The following MYLK4 variants were observed in gnomAD, a reference collection of about 807,000 sequenced individuals.
The protein encoded by MYLK4 is myosin light chain kinase family member 4, also known as caMLCK like.
A neutral mutation model predicts 48.1 loss-of-function variants in MYLK4; 46 were observed. That is an observed-to-expected ratio of 0.96 (90% confidence interval 0.75 to 1.22). The LOEUF (loss-of-function observed/expected upper bound fraction) is 1.22. Ranked by LOEUF, MYLK4 falls within the 50% of genes most tolerant of loss-of-function variation. The pLI is 0.00. For missense variants in MYLK4, 451 were observed against 486.1 expected (o/e 0.93, Z 0.68); for synonymous variants, 170 against 180.8 (o/e 0.94, Z 0.48).
chr6:2,678,073 G>T, intron 10 of MYLK4, 147 bp downstream of exon 10: 1 of 984,626 alleles, frequency 1.0e-6, no homozygotes. Flanking sequence ...AGTAGACTGG[G>T]TCAAGAGGCT....
At chr6:2,689,738 G>A (rs899725258) in intron 3 of MYLK4, among the ~76,000 whole-genome samples, 2 of 152,314 alleles carry the variant, frequency 1.3e-5, no homozygotes, top group Middle Eastern at 3.4e-3. Flanking sequence ...ACTAAGCAGC[G>A]ACTGCATGCA....
intron 11 of MYLK4, 134 bp downstream of exon 11, chr6:2,674,913 A>G: frequency 1.3e-6 from 1 of 761,480 alleles, no homozygotes; most frequent in Non-Finnish European, 2.2e-6. Flanking sequence ...GTAATTTAAT[A>G]CTGCACAAGA....
chr6:2,674,678 C>T (rs1319808144), intron 11 of MYLK4, among the ~76,000 whole-genome samples: 1 of 152,104 alleles, frequency 6.6e-6, no homozygotes, highest in East Asian at 1.9e-4. Context: ...TTGAGACCAG[C>T]CTGACCAACA....
rs1761036176 is a variant in MYLK4 at position 2,675,087 on chromosome 6, C to G, written c.1079G>C (p.Trp360Ser). The G allele has an allele frequency of 1.2e-6, 2 of 1,614,118 alleles. No individual in the cohort carries two copies. Among genetic ancestry groups the G allele is most frequent in the East Asian group, 2.2e-5 (1 of 44,888 alleles). Reference sequence around the variant, plus strand: ...GGAGTGGAGCTTGTGGTCTGACAACCAGGGGTGCTTGAGAGCTTCGCTTGC... The same window carrying G: ...GGAGTGGAGCTTGTGGTCTGACAACGAGGGGTGCTTGAGAGCTTCGCTTGC... ...ISASEALKHP[W>S]LSDHKLHSRL... Residue 360 changes from tryptophan to serine, a missense_variant, in exon 11 of 13, where the codon TGG becomes TCG. Physicochemically the swap from Trp to Ser is radical, Grantham distance 177 (BLOSUM62 -3). Transcript: ENST00000274643.
chr6:2,675,280 A>G (rs1370973867), intron 10 of MYLK4, among the ~76,000 whole-genome samples, 155 bp from the exon 11 acceptor site: 1 of 152,220 alleles, frequency 6.6e-6, no homozygotes, highest in African/African-American at 2.4e-5. Context: ...TGTGCTATCA[A>G]TGATGGCATA....
intron 2 of MYLK4, among the ~76,000 whole-genome samples, chr6:2,709,440 A>G (rs1171043377): frequency 1.3e-5 from 2 of 152,222 alleles, no homozygotes; most frequent in Non-Finnish European, 1.5e-5. Flanking sequence ...ACACAGACAG[A>G]TCTGTGCCTT....
intron 2 of MYLK4, among the ~76,000 whole-genome samples, chr6:2,703,095 T>C (rs1272549089): frequency 6.6e-6 from 1 of 152,102 alleles, no homozygotes; most frequent in Non-Finnish European, 1.5e-5. Flanking sequence ...CCTCGCCTCC[T>C]CTCAGCCTCA....
rs1426387061 is a variant in MYLK4 at position 2,685,228 on chromosome 6, T to C, written c.545+68A>G. On this transcript the variant is annotated intron_variant, in intron 6 of 12. Transcript: ENST00000274643. The surrounding 1 kb of genome is among the most constrained non-coding windows in gnomAD (Gnocchi z 4.5). ...TGGTCCCGCTACAGCAGGACGGAGC[T>C]ACTGAGGCACGGTCACGGTCATGAG... 1.7e-6 allele frequency: 2 copies of C among 1,173,742 alleles called. No homozygotes were observed. Among genetic ancestry groups the C allele is most frequent in the African/African-American group, 1.5e-5 (1 of 66,618 alleles). The allele number at this position is 1,173,742 out of a possible 1,614,324, so 72.7% of individuals were successfully genotyped here. A position where few individuals can be genotyped will look rare whatever the true frequency, so the allele number is the denominator to read the frequency against.
In MYLK4 at chr6:2,745,991, G is replaced by A. The variant is rs1352012844; in HGVS notation, c.159+3145C>T. 5.3e-5 allele frequency among the ~76,000 whole-genome samples: 8 copies of A among 151,558 alleles called. No homozygotes were observed. The East Asian group carries it at 7.8e-4, about 15-fold the overall frequency. ...AACAAGGCCGGGCACGGTGGCTCAC[G>A]CCTGTAATCTCAGCACTTTGGGAGG... On this transcript the variant is annotated intron_variant, in intron 2 of 12. Coordinates refer to ENST00000274643, the MANE Select transcript of MYLK4 (RefSeq NM_001012418.5).
At chr6:2,754,768 A>G (rs1425309771), upstream of MYLK4, among the ~76,000 whole-genome samples, 1 of 152,242 alleles carries the variant, frequency 6.6e-6, no homozygotes, top group Admixed American at 6.5e-5. Context: ...ATCTGTCCCC[A>G]GTGACCAAGG....
chr6:2,703,665 C>T (rs373772731), intron 2 of MYLK4, among the ~76,000 whole-genome samples: 1,461 of 95,228 alleles, frequency 0.015, 51 homozygotes, highest in African/African-American at 0.051. Flanking sequence ...TTTGTGAATT[C>T]TTTTTTTTTT....
intron 2 of MYLK4, among the ~76,000 whole-genome samples, chr6:2,716,209 A>G (rs530567912): frequency 6.6e-6 from 1 of 152,344 alleles, no homozygotes; most frequent in South Asian, 2.1e-4. Flanking sequence ...GGTCAGGACA[A>G]CTATTTTTAT....
At position 2,678,476 on chromosome 6, in the gene MYLK4, A is replaced by T. The variant is rs192362669; in HGVS notation, c.888-104T>A. 44 of 1,260,090 alleles carry T rather than the reference A, an allele frequency of 3.5e-5. 1 individual carries two copies. The African/African-American group carries it at 6.3e-4, about 18-fold the overall frequency. The allele number at this position is 1,260,090 out of a possible 1,614,324, so 78.1% of individuals were successfully genotyped here. A position where few individuals can be genotyped will look rare whatever the true frequency, so the allele number is the denominator to read the frequency against. ...GCCATTTAAAGGTGAGAGAAGGAAAATAACCTAATCCTGAAGCATAATTTT... is the reference window on the plus strand; with the variant it reads ...GCCATTTAAAGGTGAGAGAAGGAAATTAACCTAATCCTGAAGCATAATTTT... On this transcript the variant is annotated intron_variant, in intron 9 of 12. Transcript: ENST00000274643.
chr6:2,714,160 G>A (rs1184868319), intron 2 of MYLK4, among the ~76,000 whole-genome samples: 2 of 152,154 alleles, frequency 1.3e-5, no homozygotes, highest in African/African-American at 4.8e-5. Context: ...CCCGGTCAGA[G>A]GAAGTGAAGA....
rs1412769930 is a variant in MYLK4, at chr6:2,667,327, T to A, written c.*598A>T. The stretch of plus-strand genomic sequence containing the variant: ...TGGCTGATGCCTCTTGTTGGAGAAT[T>A]CAAAGACGGCTTCTGTTCCAGCAAA... On this transcript the variant is annotated 3_prime_UTR_variant, in exon 13 of 13. Coordinates refer to ENST00000274643, the MANE Select transcript of MYLK4 (RefSeq NM_001012418.5). The A allele has an allele frequency of 6.6e-6, 1 of 152,200 alleles. No individual in the cohort carries two copies. The highest frequency in any genetic ancestry group is 1.5e-5 in the Non-Finnish European group (1 of 68,040). The allele number at this position is 152,200 out of a possible 1,614,324, so 9.4% of individuals were successfully genotyped here.
intron 2 of MYLK4, among the ~76,000 whole-genome samples, chr6:2,735,113 G>T (rs558389676): frequency 6.6e-6 from 1 of 152,338 alleles, no homozygotes; most frequent in Admixed American, 6.5e-5. Context: ...TTCAGAATTT[G>T]GGCAATGCCT....
chr6:2,691,121 C>T (rs1761780895), intron 3 of MYLK4, among the ~76,000 whole-genome samples: 1 of 152,180 alleles, frequency 6.6e-6, no homozygotes, highest in Non-Finnish European at 1.5e-5. Context: ...TGAGCCACCG[C>T]ACCCAGCCAA....
chr6:2,747,283 T>C (rs191649845), intron 2 of MYLK4, among the ~76,000 whole-genome samples: 4 of 152,320 alleles, frequency 2.6e-5, no homozygotes, highest in Non-Finnish European at 4.4e-5. Context: ...CTTCTGGATG[T>C]AGTTGGCTGC....
intron 2 of MYLK4, among the ~76,000 whole-genome samples, chr6:2,699,244 C>T (rs1260362490): frequency 6.9e-6 from 1 of 145,688 alleles, no homozygotes; most frequent in Admixed American, 6.9e-5. Flanking sequence ...ATACATTGAG[C>T]TGTATCATAA....
Sources: gnomAD v4.1 joint callset for allele counts (sites outside exome capture counted in the v4.1 genomes callset) on GRCh38, gnomAD v4.1.1 for gene constraint, Gnocchi (gnomAD v3.1) non-coding constraint, MANE v1.5 for transcripts, NCBI Gene and HGNC (gene_info 2026-07-23, HGNC 2026-07-21) for gene names.